ATXN1: variants seen among roughly 807,000 people sequenced by gnomAD.
The protein encoded by ATXN1 is ataxin 1.
Under a neutral mutation model 56.4 loss-of-function variants are expected in ATXN1, and 8 were observed. That is an observed-to-expected ratio of 0.14 (90% CI 0.08 to 0.26). The LOEUF (loss-of-function observed/expected upper bound fraction) is 0.26. Ranked by LOEUF, ATXN1 falls within the 10% of genes least tolerant of loss-of-function variation. ATXN1 has a pLI of 1.00. For missense variants in ATXN1, 987 were observed against 1,106.5 expected (o/e 0.89, Z 1.53); for synonymous variants, 514 against 494.6 (o/e 1.04, Z -0.52).
intron 2 of ATXN1, among the ~76,000 whole-genome samples, chr6:16,713,716 G>C (rs558515354): frequency 1.3e-5 from 2 of 152,188 alleles, no homozygotes; most frequent in Non-Finnish European, 2.9e-5. Context: ...GTTTCACGGA[G>C]GGATTTGTCA....
chr6:16,374,019 C>T lies in ATXN1; in HGVS notation c.-160-45549G>A, dbSNP rs560390937. The stretch of plus-strand genomic sequence containing the variant: ...TAGGCACATGTTACATAAAGCACCA[C>T]GGCATAAACCAGGTGATAATACATT... On this transcript the variant is annotated intron_variant, in intron 6 of 7. Transcript: ENST00000436367. Among the ~76,000 whole-genome samples, 3 of 151,774 alleles carry T rather than the reference C, an allele frequency of 2.0e-5. 1 individual carries two copies. The South Asian group carries it at 6.2e-4, about 31-fold the overall frequency.
chr6:16,514,115 G>A (rs1053749590), intron 5 of ATXN1, among the ~76,000 whole-genome samples: 2 of 152,058 alleles, frequency 1.3e-5, no homozygotes, highest in Admixed American at 1.3e-4. Flanking sequence ...GCTATGAAGA[G>A]TGACATGACC....
At chr6:16,671,587 ATGACAGCC>A (rs1410448595) in intron 2 of ATXN1, among the ~76,000 whole-genome samples, 1 of 152,218 alleles carries the variant, frequency 6.6e-6, no homozygotes, top group Non-Finnish European at 1.5e-5. Context: ...CAAACATGGA[ATGACAGCC>A]TGGTTACAAA....
At chr6:16,745,943 T>C (rs1760520085) in intron 2 of ATXN1, among the ~76,000 whole-genome samples, 1 of 144,946 alleles carries the variant, frequency 6.9e-6, no homozygotes, top group Non-Finnish European at 1.5e-5. Context: ...CGTGTGTGTG[T>C]GTGTGTGTGT....
chr6:16,642,620 T>C (rs566470834), intron 3 of ATXN1, among the ~76,000 whole-genome samples: 1 of 152,354 alleles, frequency 6.6e-6, no homozygotes, highest in South Asian at 2.1e-4. Context: ...AAATCTTTCA[T>C]GAAAGGAAGA....
intron 2 of ATXN1, among the ~76,000 whole-genome samples, chr6:16,660,832 GTTTT>G (rs754718969): frequency 1.1e-5 from 1 of 93,020 alleles, no homozygotes; most frequent in African/African-American, 4.2e-5. Flanking sequence ...TTTTGTTTTG[GTTTT>G]TTTTTTTTTT....
At chr6:16,445,440 T>G (rs945864366) in intron 6 of ATXN1, among the ~76,000 whole-genome samples, 2 of 152,138 alleles carry the variant, frequency 1.3e-5, no homozygotes, top group Non-Finnish European at 2.9e-5. Flanking sequence ...TTGGCTCTGC[T>G]GCTGAATGGG....
rs70999343 is a variant in ATXN1 at position 16,714,181 on chromosome 6, C to CCACACACACACACA, written c.-615+39038_-615+39051dup. ...AAAGAAAGAAAAAAAAAACCACACA[C>CCACACACACACACA]CACACACACACACACACACACACAC... On this transcript the variant is annotated intron_variant, in intron 2 of 7. Transcript: ENST00000436367. Among the ~76,000 whole-genome samples, 105 of 137,646 alleles carry CCACACACACACACA rather than the reference C, an allele frequency of 7.6e-4. 1 individual carries two copies. Among genetic ancestry groups the CCACACACACACACA allele is most frequent in the Admixed American group, 1.5e-3 (20 of 13,606 alleles). 90.3% of individuals were successfully genotyped at this position (137,646 alleles called of 152,430 possible). A position where few individuals can be genotyped will look rare whatever the true frequency, so the allele number is the denominator to read the frequency against.
chr6:16,346,446 G>A (rs1022746286), intron 6 of ATXN1, among the ~76,000 whole-genome samples: 2 of 152,310 alleles, frequency 1.3e-5, no homozygotes. Flanking sequence ...ACATGCAGTG[G>A]AAGAGAGGTT....
At chr6:16,617,313 TATCTA>T (rs772213939) in intron 3 of ATXN1, among the ~76,000 whole-genome samples, 26 of 152,294 alleles carry the variant, frequency 1.7e-4, no homozygotes, top group Non-Finnish European at 3.1e-4. Flanking sequence ...TCTGAATTGA[TATCTA>T]ATCTATTAAA....
chr6:16,376,649 A>G (rs973090289), intron 6 of ATXN1, among the ~76,000 whole-genome samples: 1 of 152,244 alleles, frequency 6.6e-6, no homozygotes, highest in Non-Finnish European at 1.5e-5. Context: ...TTTAAAATCT[A>G]CAGCTTTTCA....
intron 2 of ATXN1, among the ~76,000 whole-genome samples, chr6:16,698,029 A>G (rs181968016): frequency 1.3e-5 from 2 of 152,340 alleles, no homozygotes; most frequent in East Asian, 1.9e-4. Flanking sequence ...TCCTATTGCC[A>G]GGAGCACCGG....
chr6:16,353,503 G>A (rs1171110629), intron 6 of ATXN1, among the ~76,000 whole-genome samples: 2 of 151,992 alleles, frequency 1.3e-5, no homozygotes, highest in Admixed American at 6.6e-5. Context: ...CAAAACCCCC[G>A]TCTCTACTAA....
chr6:16,364,540 T>C (rs1334990156), intron 6 of ATXN1, among the ~76,000 whole-genome samples: 1 of 152,122 alleles, frequency 6.6e-6, no homozygotes, highest in Non-Finnish European at 1.5e-5. Context: ...CCTGACCTCG[T>C]GATCTGCCCG....
intron 6 of ATXN1, among the ~76,000 whole-genome samples, chr6:16,367,285 C>G (rs1187392388): frequency 1.3e-5 from 2 of 151,882 alleles, no homozygotes; most frequent in Non-Finnish European, 2.9e-5. Flanking sequence ...TTATAAATTG[C>G]TAAGTTATTG....
chr6:16,515,986 G>A (rs550174898), intron 5 of ATXN1, among the ~76,000 whole-genome samples: 2 of 152,308 alleles, frequency 1.3e-5, no homozygotes, highest in African/African-American at 4.8e-5. Flanking sequence ...CAGATGACTT[G>A]TGAACTGTGA....
Position 16,327,469 on chromosome 6 carries a change from A to G in ATXN1, c.842T>C (p.Leu281Pro). 7 of 1,612,382 alleles carry G rather than the reference A, an allele frequency of 4.3e-6. No individual in the cohort carries two copies. The highest frequency in any genetic ancestry group is 5.9e-6 in the Non-Finnish European group (7 of 1,179,764). The change falls in exon 7 of 8, where the codon CTC becomes CCC. Residue 281 changes from leucine (L) to proline (P), a missense_variant. By Grantham distance (98) the Leu-to-Pro change is moderately conservative. Around this residue, in one of 3 missense-constraint regions of ATXN1, gnomAD observed 723 missense variants for 791.7 expected, o/e 0.91. Transcript: ENST00000436367. ...GACCTGGGAGGGGGGCCCCAGGGTG[A>G]GCGTGTGTGGGATCATCGTCTGGTG... Reference protein sequence around the residue: ...HPHQTMIPHTLTLGPPSQVVM... With the variant: ...HPHQTMIPHTPTLGPPSQVVM...
chr6:16,306,685 C>T lies in ATXN1; in HGVS notation c.2092G>A (p.Gly698Ser), dbSNP rs768263479. 1 of 1,614,174 alleles carries T rather than the reference C, an allele frequency of 6.2e-7. No homozygotes were observed. Among genetic ancestry groups the T allele is most frequent in the South Asian group, 1.1e-5 (1 of 91,086 alleles). The change falls in exon 8 of 8, where the codon GGC becomes AGC. Residue 698 changes from glycine (G) to serine (S), a missense_variant. This residue lies in a region of ATXN1 where 196 missense variants were observed against 196.7 expected (regional missense o/e 1.00). Coordinates refer to ENST00000436367, the MANE Select transcript of ATXN1 (RefSeq NM_001128164.2). The surrounding 1 kb of genome is among the most constrained non-coding windows in gnomAD (Gnocchi z 5.2). ...ACGCTGGCGGGATCCACGGGCTGGC[C>T]CTTTTTAACAGAGCCGTTCTTCAGG... is the stretch of plus-strand genomic sequence containing the variant. ...KNLKNGSVKK[G>S]QPVDPASVLL...
Position 16,303,940 on chromosome 6 carries a change from A to AAT in ATXN1, c.*2387_*2388dup, listed in dbSNP as rs1234988666. ...GTTCTCTGAACAGAAACGTTTAAAAAATACAGCACTAAATAAGCAGTATGA... is the reference window on the plus strand; with the variant it reads ...GTTCTCTGAACAGAAACGTTTAAAAAATATACAGCACTAAATAAGCAGTATGA... On this transcript the variant is annotated 3_prime_UTR_variant, in exon 8 of 8. Transcript: ENST00000436367. This position sits in a 1 kb window ranked among gnomAD's most constrained non-coding sequence, Gnocchi z 4.3. 2.0e-5 allele frequency: 3 copies of AAT among 152,682 alleles called. No individual in the cohort carries two copies. Among genetic ancestry groups the AAT allele is most frequent in the Non-Finnish European group, 4.4e-5 (3 of 68,052 alleles). 9.5% of individuals were successfully genotyped at this position (152,682 alleles called of 1,614,324 possible).
Sources: gnomAD v4.1 joint callset for allele counts (sites outside exome capture counted in the v4.1 genomes callset) on GRCh38, gnomAD v4.1.1 for gene constraint, gnomAD v4.1.1 regional missense constraint, Gnocchi (gnomAD v3.1) non-coding constraint, MANE v1.5 for transcripts, NCBI Gene and HGNC (gene_info 2026-07-23, HGNC 2026-07-21) for gene names.